Variants in TOMM40 observed in about 807,000 individuals in gnomAD.
TOMM40 encodes the protein translocase of outer mitochondrial membrane 40.
Under a neutral mutation model 38.4 loss-of-function variants are expected in TOMM40, and 9 were observed. The observed-to-expected ratio is 0.23, with a 90% CI of 0.14 to 0.41. TOMM40 has a LOEUF of 0.41. Ranked by LOEUF, TOMM40 falls within the 10% of genes least tolerant of loss-of-function variation. The pLI, the probability that TOMM40 is intolerant of heterozygous loss-of-function variation, is 1.00. For missense variants in TOMM40, 299 were observed against 486.5 expected (o/e 0.61, Z 3.63); for synonymous variants, 184 against 210.0 (o/e 0.88, Z 1.07).
Position 44,899,259 on chromosome 19 carries a change from G to A in TOMM40, c.644-1471G>A, listed in dbSNP as rs113112231. Among the ~76,000 whole-genome samples the A allele has an allele frequency of 4.6e-3, 696 of 151,984 alleles. 5 individuals are homozygous for A. The highest frequency in any genetic ancestry group is 0.016 in the African/African-American group (678 of 41,448). On this transcript the variant is annotated intron_variant, in intron 5 of 8. Transcript: ENST00000426677. ...CCTTCTGAGCTCAAGTGATCCTCCT[G>A]CCTCAGCCTCCCAAGTAGCTGGGAC...
chr19:44,901,434 A>C, intron 8 of TOMM40, 124 bp downstream of exon 8: 1 of 1,494,740 alleles, frequency 6.7e-7, no homozygotes. Flanking sequence ...CCACATTACC[A>C]GGGAACACTT....
rs1275279057 is a variant in TOMM40 at position 44,891,547 on chromosome 19, GGGCGCC to G, written c.136_141del (p.Ala46_Gly47del). The G allele has an allele frequency of 7.0e-7, 1 of 1,423,738 alleles. No homozygotes were observed. The allele number at this position is 1,423,738 out of a possible 1,614,324, so 88.2% of individuals were successfully genotyped here. A position where few individuals can be genotyped will look rare whatever the true frequency, so the allele number is the denominator to read the frequency against. ...CGCTGCCGCCGCTGGGAGGCAGCCTGGGCGCCGGCACCAGTACGAGTCGAAGTTCGG... is the reference window on the plus strand; with the variant it reads ...CGCTGCCGCCGCTGGGAGGCAGCCTGGGCACCAGTACGAGTCGAAGTTCGG... On this transcript the variant is annotated inframe_deletion, in exon 1 of 9. Transcript: ENST00000426677.
At chr19:44,893,679 C>G (rs1969509831) in intron 3 of TOMM40, 101 bp from the exon 4 acceptor site, 1 of 953,818 alleles carries the variant, frequency 1.0e-6, no homozygotes, top group South Asian at 1.7e-5. Context: ...GGAGGGGACC[C>G]CCATCCGAGG....
rs576430700 is a variant in TOMM40, at chr19:44,894,973, G to A, written c.643+907G>A. ...GAGAGGAGGTTGGATTCTGGATGTTGTTTGAAGGCAGAGCTGCCAGGATTT... is the reference window on the plus strand; with the variant it reads ...GAGAGGAGGTTGGATTCTGGATGTTATTTGAAGGCAGAGCTGCCAGGATTT... On this transcript the variant is annotated intron_variant, in intron 5 of 8. Transcript: ENST00000426677. 8.1e-4 allele frequency among the ~76,000 whole-genome samples: 124 copies of A among 152,350 alleles called. 1 individual carries two copies. Among genetic ancestry groups the A allele is most frequent in the Non-Finnish European group, 1.2e-3 (85 of 68,032 alleles).
chr19:44,903,283 G>GA lies in TOMM40; in HGVS notation c.*114_*115insA. 1 of 1,197,066 alleles carries GA rather than the reference G, an allele frequency of 8.4e-7. No homozygotes were observed. The highest frequency in any genetic ancestry group is 1.6e-5 in the South Asian group (1 of 63,600). The allele number at this position is 1,197,066 out of a possible 1,614,324, so 74.2% of individuals were successfully genotyped here. On this transcript the variant is annotated 3_prime_UTR_variant, in exon 9 of 9. Coordinates refer to ENST00000426677, the MANE Select transcript of TOMM40 (RefSeq NM_001128917.2). Reference sequence around the variant, plus strand: ...CCCTTCCCTCCCCCCTTGGGGGTCGGGGGGGACATTGGAAAGGAGGGACCC... The same window carrying GA: ...CCCTTCCCTCCCCCCTTGGGGGTCGGAGGGGGACATTGGAAAGGAGGGACCC...
Position 44,892,983 on chromosome 19 carries a change from C to T in TOMM40, c.435+54C>T, listed in dbSNP as rs116040278. On this transcript the variant is annotated intron_variant, in intron 3 of 8. Coordinates refer to ENST00000426677, the MANE Select transcript of TOMM40 (RefSeq NM_001128917.2). ...TATCCTTCTAATAACAAATTTGTAG[C>T]CAAATGTCAAGCTAAGACGGCCTCA... 1,016 of 1,483,472 alleles carry T rather than the reference C, an allele frequency of 6.8e-4. 7 individuals are homozygous for T. The African/African-American group carries it at 0.013, about 18-fold the overall frequency. 91.9% of individuals were successfully genotyped at this position (1,483,472 alleles called of 1,614,324 possible). A position where few individuals can be genotyped will look rare whatever the true frequency, so the allele number is the denominator to read the frequency against.
chr19:44,902,928 T>C (rs382614), intron 8 of TOMM40, 102 bp from the exon 9 acceptor site: 1 of 1,474,538 alleles, frequency 6.8e-7, no homozygotes, highest in Admixed American at 2.1e-5. Flanking sequence ...TGGTTAAAGG[T>C]CTGGAAGCTG....
Position 44,900,837 on chromosome 19 carries a change from G to A in TOMM40, c.751G>A (p.Ala251Thr). 3.1e-6 allele frequency: 5 copies of A among 1,614,116 alleles called. No individual in the cohort carries two copies. Among genetic ancestry groups the A allele is most frequent in the Non-Finnish European group, 4.2e-6 (5 of 1,180,014 alleles). The change falls in exon 6 of 9, where the codon GCT becomes ACT. Residue 251 changes from alanine to threonine, a missense_variant. Ala to Thr is a moderately conservative substitution (Grantham distance 58). Coordinates refer to ENST00000426677, the MANE Select transcript of TOMM40 (RefSeq NM_001128917.2). ...AGAGGAGGGCACTGTCATGTCTCTA[G>A]CTGGGAAATACACATGTGAGCCTGG... ...PGEEGTVMSL[A>T]GKYTLNNWLA...
chr19:44,892,128 G>C (rs1355599422), intron 1 of TOMM40, among the ~76,000 whole-genome samples: 2 of 152,206 alleles, frequency 1.3e-5, no homozygotes, highest in Admixed American at 1.3e-4. Flanking sequence ...TAACTCATTA[G>C]ATCCTTGGGA....
rs1420523854 is a variant in TOMM40, at chr19:44,901,111, G to A, written c.843+7G>A. The A allele has an allele frequency of 6.2e-7, 1 of 1,614,252 alleles. No individual in the cohort carries two copies. The highest frequency in any genetic ancestry group is 8.5e-7 in the Non-Finnish European group (1 of 1,180,032). Reference sequence around the variant, plus strand: ...CCACAAAGCCAGTGACCAGGTGAGTGGGTGCAGGGACTAGCTGGTGCTGCC... The same window carrying A: ...CCACAAAGCCAGTGACCAGGTGAGTAGGTGCAGGGACTAGCTGGTGCTGCC... On this transcript the variant is annotated splice_region_variant and intron_variant, in intron 7 of 8. Coordinates refer to ENST00000426677, the MANE Select transcript of TOMM40 (RefSeq NM_001128917.2).
Position 44,893,944 on chromosome 19 carries a change from C to A in TOMM40, c.538-17C>A. 1.3e-6 allele frequency: 2 copies of A among 1,591,636 alleles called. No individual in the cohort carries two copies. The highest frequency in any genetic ancestry group is 1.1e-5 in the South Asian group (1 of 87,958). On this transcript the variant is annotated splice_polypyrimidine_tract_variant and intron_variant, in intron 4 of 8. Coordinates refer to ENST00000426677, the MANE Select transcript of TOMM40 (RefSeq NM_001128917.2). Reference sequence around the variant, plus strand: ...CCGTGAGCAGGGAGCCGCCCTCACACCCCCTCCTCTCCACAGACCCAGCAG... The same window carrying A: ...CCGTGAGCAGGGAGCCGCCCTCACAACCCCTCCTCTCCACAGACCCAGCAG...
intron 5 of TOMM40, among the ~76,000 whole-genome samples, chr19:44,897,940 A>G (rs576130117): frequency 6.6e-6 from 1 of 152,082 alleles, no homozygotes; most frequent in African/African-American, 2.4e-5. Context: ...TGGTGATTCA[A>G]CAACCAGTGG....
chr19:44,900,883 G>A (rs946088036), intron 6 of TOMM40, 31 bp downstream of exon 6: 1 of 1,612,096 alleles, frequency 6.2e-7, no homozygotes, highest in African/African-American at 1.3e-5. Context: ...CGAGGGTGGA[G>A]GGGCTGGGCC....
chr19:44,903,002 C>A (rs745448702), intron 8 of TOMM40, 28 bp from the exon 9 acceptor site: 3 of 1,602,006 alleles, frequency 1.9e-6, no homozygotes, highest in Non-Finnish European at 2.6e-6. Context: ...GAAGCTGGCA[C>A]GCCTCTCACC....
chr19:44,902,342 A>G (rs1405592013), intron 8 of TOMM40: 1 of 152,266 alleles, frequency 6.6e-6, no homozygotes, highest in African/African-American at 2.4e-5. Flanking sequence ...AGCTAGGACC[A>G]CAGGTGTATG....
In TOMM40 at chr19:44,894,086, G is replaced by C; in HGVS notation, c.643+20G>C. ...GTTCAGGTAAGAGGCGGAGGGCTTG[G>C]AGGGTGGTCACAAAACTGCAGTTCT... is the stretch of plus-strand genomic sequence containing the variant. On this transcript the variant is annotated intron_variant, in intron 5 of 8. Coordinates refer to ENST00000426677, the MANE Select transcript of TOMM40 (RefSeq NM_001128917.2). 1.3e-6 allele frequency: 2 copies of C among 1,484,940 alleles called. No homozygotes were observed. Among genetic ancestry groups the C allele is most frequent in the Non-Finnish European group, 1.8e-6 (2 of 1,114,344 alleles). The allele number at this position is 1,484,940 out of a possible 1,614,324, so 92.0% of individuals were successfully genotyped here.
intron 5 of TOMM40, among the ~76,000 whole-genome samples, chr19:44,895,032 T>A (rs1377505775): frequency 6.6e-6 from 1 of 152,094 alleles, no homozygotes; most frequent in Non-Finnish European, 1.5e-5. Flanking sequence ...ACTCTGTAGT[T>A]TTTGGCTGGA....
intron 5 of TOMM40, 33 bp from the exon 6 acceptor site, chr19:44,900,697 G>A (rs760599177): frequency 1.2e-6 from 2 of 1,611,838 alleles, no homozygotes; most frequent in Non-Finnish European, 1.7e-6. Flanking sequence ...GGCACTCAGG[G>A]TGGGTGGAAA....
chr19:44,893,505 C>T (rs939337633), intron 3 of TOMM40, among the ~76,000 whole-genome samples: 15 of 152,242 alleles, frequency 9.9e-5, no homozygotes, highest in African/African-American at 3.1e-4. Context: ...CTGTGCCCAG[C>T]CCTGTGCTGG....
Sources: allele counts gnomAD v4.1 joint callset (sites outside exome capture counted in the v4.1 genomes callset), GRCh38; gene constraint gnomAD v4.1.1; transcripts MANE v1.5; gene names NCBI Gene and HGNC (gene_info 2026-07-23, HGNC 2026-07-21).